Variants in LIPK observed in about 807,000 individuals in gnomAD.
The protein encoded by LIPK is lipase member K.
A neutral mutation model predicts 48.6 loss-of-function variants in LIPK; 32 were observed. The observed-to-expected ratio is 0.66, with a 90% CI of 0.50 to 0.88. LIPK has a LOEUF of 0.88. Ranked by LOEUF, LIPK falls within the 40% of genes least tolerant of loss-of-function variation. The probability of loss-of-function intolerance (pLI) is 0.00; values close to 1 mark genes in which losing one functional copy is unlikely to be tolerated. For missense variants in LIPK, 507 were observed against 478.5 expected (o/e 1.06, Z -0.56); for synonymous variants, 164 against 157.4 (o/e 1.04, Z -0.32).
intron 1 of LIPK, among the ~76,000 whole-genome samples, chr10:88,710,574 C>T (rs1397442892): frequency 6.6e-6 from 1 of 152,102 alleles, no homozygotes; most frequent in African/African-American, 2.4e-5. Flanking sequence ...TGTTTTTGAC[C>T]TTTACAGAAA....
At chr10:88,737,448 T>C (rs890556882) in intron 6 of LIPK, among the ~76,000 whole-genome samples, 187 bp from the exon 7 acceptor site, 1 of 152,164 alleles carries the variant, frequency 6.6e-6, no homozygotes, top group African/African-American at 2.4e-5. Context: ...TTAAAGATTT[T>C]TGGGAAAAGC....
chr10:88,709,033 T>C (rs1379018011), intron 1 of LIPK, among the ~76,000 whole-genome samples: 2 of 152,238 alleles, frequency 1.3e-5, no homozygotes. Flanking sequence ...TGAAAAATGA[T>C]TAAGCATTAG....
At position 88,724,636 on chromosome 10, in the gene LIPK, T is replaced by C. The variant is rs766248428; in HGVS notation, c.93T>C (p.Ala31=). ...DKKGNNANPE[A]NMNISQIISY... ...AAGGAAACAATGCAAACCCTGAAGC[T>C]AATATGAATATTGTAAGTCATTTAT... Residue 31 remains alanine (A), a synonymous_variant, in exon 2 of 10, where the codon GCT becomes GCC. Transcript: ENST00000404190. 1 of 1,589,514 alleles carries C rather than the reference T, an allele frequency of 6.3e-7. No homozygotes were observed. The highest frequency in any genetic ancestry group is 8.5e-7 in the Non-Finnish European group (1 of 1,170,142).
chr10:88,750,729 T>C (rs549946944), intron 9 of LIPK, among the ~76,000 whole-genome samples: 13 of 152,132 alleles, frequency 8.5e-5, no homozygotes, highest in Admixed American at 8.5e-4. Context: ...GACAAAATCA[T>C]TTGTAAGCCA....
intron 2 of LIPK, 27 bp from the exon 3 acceptor site, chr10:88,726,768 G>T (rs1378927479): frequency 9.9e-7 from 1 of 1,009,136 alleles, no homozygotes; most frequent in Non-Finnish European, 1.5e-6. Context: ...ATAACATGAA[G>T]GTATATATTT....
Position 88,724,778 on chromosome 10 carries a change from G to A in LIPK, c.105+130G>A, listed in dbSNP as rs1842301955. 7 of 636,404 alleles carry A rather than the reference G, an allele frequency of 1.1e-5. No individual in the cohort carries two copies. In the South Asian group the frequency reaches 1.3e-4, roughly 11 times the overall value. The allele number at this position is 636,404 out of a possible 1,614,324, so 39.4% of individuals were successfully genotyped here. ...TGACTAAGTCTGTGCTTCCTCTCCT[G>A]TTTCTTGATATGGCTAACTAATCCA... On this transcript the variant is annotated intron_variant, in intron 2 of 9. Coordinates refer to ENST00000404190, the MANE Select transcript of LIPK (RefSeq NM_001080518.2).
chr10:88,749,786 C>T (rs1297225194), intron 9 of LIPK, among the ~76,000 whole-genome samples: 2 of 90,124 alleles, frequency 2.2e-5, no homozygotes, highest in Admixed American at 1.2e-4. Context: ...GTAATTGCAA[C>T]AAAAAACAAT....
intron 1 of LIPK, among the ~76,000 whole-genome samples, chr10:88,717,360 AAAG>A (rs2134695418): frequency 6.6e-6 from 1 of 152,278 alleles, no homozygotes; most frequent in African/African-American, 2.4e-5. Flanking sequence ...GTTTTTCTGT[AAAG>A]AAGATGCATC....
chr10:88,739,878 T>G (rs922670856), intron 7 of LIPK, 118 bp from the exon 8 acceptor site: 2 of 575,094 alleles, frequency 3.5e-6, no homozygotes, highest in African/African-American at 1.9e-5. Flanking sequence ...AAAATAAAAA[T>G]AAAAAAAAGA....
At chr10:88,710,451 G>C (rs1208328981) in intron 1 of LIPK, among the ~76,000 whole-genome samples, 1 of 152,152 alleles carries the variant, frequency 6.6e-6, no homozygotes, top group Non-Finnish European at 1.5e-5. Flanking sequence ...TCAGTAAAAT[G>C]CACAGATCTG....
intron 1 of LIPK, among the ~76,000 whole-genome samples, chr10:88,706,703 AT>A (rs1456073800): frequency 6.6e-6 from 1 of 152,144 alleles, no homozygotes; most frequent in East Asian, 1.9e-4. Flanking sequence ...ACCATTTACC[AT>A]TTTTTAGGAA....
intron 1 of LIPK, among the ~76,000 whole-genome samples, chr10:88,710,358 A>T (rs533850921): frequency 2.0e-5 from 3 of 152,296 alleles, no homozygotes; most frequent in Admixed American, 6.5e-5. Flanking sequence ...AAGTTTTACT[A>T]GTTTACACCA....
chr10:88,722,903 A>C (rs200028491), intron 1 of LIPK, among the ~76,000 whole-genome samples: 1 of 12,984 alleles, frequency 7.7e-5, no homozygotes, highest in Non-Finnish European at 1.2e-4. Context: ...TTTTTTTTTG[A>C]CAGGGTTTCA....
At position 88,743,745 on chromosome 10, in the gene LIPK, G is replaced by A. The variant is rs1231163733; in HGVS notation, c.960+424G>A. ...GAGGTAGGATGTGGAGCCTGGGCTA[G>A]AGGGAGGATTCTGGGAAGCCTGAAC... On this transcript the variant is annotated intron_variant, in intron 9 of 9. Coordinates refer to ENST00000404190, the MANE Select transcript of LIPK (RefSeq NM_001080518.2). Among the ~76,000 whole-genome samples the A allele has an allele frequency of 4.6e-5, 7 of 152,332 alleles. No homozygotes were observed. In the South Asian group the frequency reaches 8.3e-4, roughly 18 times the overall value.
chr10:88,726,629 G>C (rs1290974938), intron 2 of LIPK, among the ~76,000 whole-genome samples, 166 bp from the exon 3 acceptor site: 3 of 152,190 alleles, frequency 2.0e-5, no homozygotes, highest in Non-Finnish European at 4.4e-5. Flanking sequence ...AGGAGGCGAA[G>C]GCTGCAGTGA....
intron 9 of LIPK, among the ~76,000 whole-genome samples, chr10:88,751,335 C>T (rs1156811085): frequency 2.6e-5 from 4 of 151,800 alleles, no homozygotes; most frequent in African/African-American, 9.7e-5. Flanking sequence ...TTGGGTTTTT[C>T]AAATCTAGGA....
intron 8 of LIPK, 73 bp downstream of exon 8, chr10:88,740,140 C>A: frequency 8.9e-7 from 1 of 1,118,716 alleles, no homozygotes; most frequent in East Asian, 2.6e-5. Flanking sequence ...TCAGAGAGCT[C>A]ACTGCAGGGT....
chr10:88,732,749 C>T (rs1219508350), intron 6 of LIPK, among the ~76,000 whole-genome samples, 198 bp downstream of exon 6: 2 of 152,218 alleles, frequency 1.3e-5, no homozygotes, highest in Admixed American at 1.3e-4. Flanking sequence ...ATCTGCCCTA[C>T]TTTCTTCATC....
chr10:88,716,652 T>TATA, intron 1 of LIPK, among the ~76,000 whole-genome samples: 1 of 152,162 alleles, frequency 6.6e-6, no homozygotes, highest in African/African-American at 2.4e-5. Context: ...CCACTGAGCC[T>TATA]GGCCAGAATA....
Sources: gnomAD v4.1 joint callset for allele counts (sites outside exome capture counted in the v4.1 genomes callset) on GRCh38, gnomAD v4.1.1 for gene constraint, MANE v1.5 for transcripts, NCBI Gene and HGNC (gene_info 2026-07-23, HGNC 2026-07-21) for gene names.